PRKCE: variants seen among roughly 807,000 people sequenced by gnomAD.
PRKCE encodes the protein protein kinase C epsilon.
Under a neutral mutation model 85.4 loss-of-function variants are expected in PRKCE, and 16 were observed. The observed-to-expected ratio is 0.19, with a 90% confidence interval of 0.13 to 0.28. The LOEUF is 0.28. Among genes scored for constraint, PRKCE ranks in the 10% least tolerant of loss-of-function variants. The pLI, the probability that PRKCE is intolerant of heterozygous loss-of-function variation, is 1.00. For synonymous variants in PRKCE, 388 were observed against 371.5 expected (o/e 1.04, Z -0.51); for missense variants, 573 against 975.2 (o/e 0.59, Z 5.49).
chr2:45,884,954 CATATATATATATAT>C lies in PRKCE; in HGVS notation c.412+41926_412+41939del, dbSNP rs745477412. 9.0e-3 allele frequency among the ~76,000 whole-genome samples: 337 copies of C among 37,540 alleles called. 10 individuals are homozygous for C. Among genetic ancestry groups the C allele is most frequent in the African/African-American group, 0.038 (290 of 7,574 alleles). 24.6% of individuals were successfully genotyped at this position (37,540 alleles called of 152,430 possible). A position where few individuals can be genotyped will look rare whatever the true frequency, so the allele number is the denominator to read the frequency against. Reference sequence around the variant, plus strand: ...TGCGTGTGATCTGTTATATGTGATCCATATATATATATATATATATATATATATATATATATATA... The same window carrying C: ...TGCGTGTGATCTGTTATATGTGATCCATATATATATATATATATATATATA... On this transcript the variant is annotated intron_variant, in intron 2 of 14. Transcript: ENST00000306156.
chr2:46,109,332 A>G (rs1419690670), intron 11 of PRKCE, among the ~76,000 whole-genome samples: 1 of 152,132 alleles, frequency 6.6e-6, no homozygotes, highest in African/African-American at 2.4e-5. Context: ...ATGAACATGA[A>G]ATAACTCTTT....
At chr2:45,958,324 A>G (rs940860759) in intron 2 of PRKCE, among the ~76,000 whole-genome samples, 3 of 151,660 alleles carry the variant, frequency 2.0e-5, no homozygotes, top group African/African-American at 7.3e-5. Context: ...CCTGGCTAAC[A>G]TGGTGAAACT....
chr2:45,679,734 C>T (rs1468395081), intron 1 of PRKCE, among the ~76,000 whole-genome samples: 3 of 152,022 alleles, frequency 2.0e-5, no homozygotes, highest in Admixed American at 6.5e-5. Flanking sequence ...CTGTAGTCTG[C>T]GGGTGTATGT....
At chr2:46,171,712 G>A (rs1344176209) in intron 14 of PRKCE, among the ~76,000 whole-genome samples, 1 of 152,188 alleles carries the variant, frequency 6.6e-6, no homozygotes, top group African/African-American at 2.4e-5. Flanking sequence ...CAAGAGCCGG[G>A]TGTTGAAGGC....
intron 11 of PRKCE, among the ~76,000 whole-genome samples, chr2:46,108,715 A>G (rs975847879): frequency 6.6e-6 from 1 of 152,190 alleles, no homozygotes; most frequent in African/African-American, 2.4e-5. Context: ...CAACTGATCA[A>G]TTGTTTTACT....
intron 8 of PRKCE, among the ~76,000 whole-genome samples, chr2:46,006,287 A>G (rs1217924043): frequency 6.6e-6 from 1 of 152,222 alleles, no homozygotes; most frequent in Non-Finnish European, 1.5e-5. Context: ...TCATTTAATA[A>G]CTGAGGCTTT....
intron 2 of PRKCE, among the ~76,000 whole-genome samples, chr2:45,941,159 G>C (rs1210645307): frequency 6.6e-6 from 1 of 151,522 alleles, no homozygotes; most frequent in Non-Finnish European, 1.5e-5. Context: ...ATGCTCCTGG[G>C]AACTGAAAGC....
intron 2 of PRKCE, among the ~76,000 whole-genome samples, chr2:45,894,960 C>A (rs567056689): frequency 2.0e-5 from 3 of 152,150 alleles, no homozygotes; most frequent in Non-Finnish European, 4.4e-5. Context: ...TGACCTCAGG[C>A]GATCTGTCTG....
intron 1 of PRKCE, among the ~76,000 whole-genome samples, chr2:45,708,343 C>T (rs1056752937): frequency 5.9e-5 from 9 of 152,192 alleles, no homozygotes; most frequent in Non-Finnish European, 1.0e-4. Flanking sequence ...GGTGATATGG[C>T]TTGGCTGTGT....
intron 1 of PRKCE, among the ~76,000 whole-genome samples, chr2:45,756,979 G>A (rs183437848): frequency 6.6e-6 from 1 of 152,096 alleles, no homozygotes; most frequent in African/African-American, 2.4e-5. Flanking sequence ...AGCTGGGCGT[G>A]GTGGCTCATG....
chr2:45,859,235 T>G (rs1256337344), intron 2 of PRKCE, among the ~76,000 whole-genome samples: 1 of 152,112 alleles, frequency 6.6e-6, no homozygotes, highest in African/African-American at 2.4e-5. Flanking sequence ...CATTCTTCTA[T>G]TCCTAGACGT....
At chr2:45,992,962 C>G (rs554706431) in intron 6 of PRKCE, among the ~76,000 whole-genome samples, 1 of 152,300 alleles carries the variant, frequency 6.6e-6, no homozygotes, top group South Asian at 2.1e-4. Context: ...GAGCGCTTCT[C>G]TTTTTGTAAG....
chr2:46,090,651 G>C (rs1450383134), intron 11 of PRKCE, among the ~76,000 whole-genome samples: 3 of 151,974 alleles, frequency 2.0e-5, no homozygotes, highest in African/African-American at 7.2e-5. Flanking sequence ...TTTTTTCTGT[G>C]ACCCTAGAAA....
chr2:46,094,651 G>A (rs867676416), intron 11 of PRKCE, among the ~76,000 whole-genome samples: 21 of 152,188 alleles, frequency 1.4e-4, no homozygotes, highest in South Asian at 4.2e-4. Context: ...AGGGTGGGGA[G>A]AGGGAGAGCA....
chr2:46,057,305 C>T (rs538721582), intron 10 of PRKCE, among the ~76,000 whole-genome samples: 73 of 152,262 alleles, frequency 4.8e-4, no homozygotes, highest in Non-Finnish European at 8.8e-4. Context: ...ATTCCTGTAA[C>T]GATCTTGAGA....
chr2:46,025,788 GC>G (rs1574268614), intron 10 of PRKCE, among the ~76,000 whole-genome samples: 1 of 152,330 alleles, frequency 6.6e-6, no homozygotes, highest in East Asian at 1.9e-4. Flanking sequence ...AAAGGAGCAA[GC>G]CCTGTCCAAG....
chr2:45,903,185 CT>C (rs1696699201), intron 2 of PRKCE, among the ~76,000 whole-genome samples: 1 of 152,206 alleles, frequency 6.6e-6, no homozygotes, highest in African/African-American at 2.4e-5. Context: ...GTCAGAGGGA[CT>C]TCATTAAATA....
At chr2:45,659,592 G>T (rs1675539596) in intron 1 of PRKCE, among the ~76,000 whole-genome samples, 1 of 152,074 alleles carries the variant, frequency 6.6e-6, no homozygotes, top group African/African-American at 2.4e-5. Flanking sequence ...CCTATCACTT[G>T]CCACTCTTCT....
intron 2 of PRKCE, among the ~76,000 whole-genome samples, chr2:45,969,479 C>T (rs1452135162): frequency 6.6e-6 from 1 of 152,154 alleles, no homozygotes; most frequent in Non-Finnish European, 1.5e-5. Flanking sequence ...TCTTTTGGAG[C>T]GGTTCAGAGG....
Sources: allele counts gnomAD v4.1 joint callset (sites outside exome capture counted in the v4.1 genomes callset), GRCh38; gene constraint gnomAD v4.1.1; transcripts MANE v1.5; gene names NCBI Gene and HGNC (gene_info 2026-07-23, HGNC 2026-07-21).